The following DVL3 variants were observed in gnomAD, a reference collection of about 807,000 sequenced individuals.
DVL3 encodes segment polarity protein dishevelled homolog DVL-3.
A neutral mutation model predicts 67.4 loss-of-function variants in DVL3; 27 were observed. The ratio of observed to expected loss-of-function variants is 0.40; its 90% CI spans 0.30 to 0.55. The LOEUF (loss-of-function observed/expected upper bound fraction) is 0.55. DVL3 is among the 20% of genes least tolerant of loss of function. DVL3 has a pLI of 0.46. For synonymous variants in DVL3, 369 were observed against 396.8 expected, an observed-to-expected ratio of 0.93 and a Z score of 0.83; for missense variants, 819 against 1,021.5, an observed-to-expected ratio of 0.80 and a Z score of 2.70.
intron 1 of DVL3, among the ~76,000 whole-genome samples, chr3:184,157,325 G>A (rs1714234079): frequency 6.6e-6 from 1 of 152,168 alleles, no homozygotes; most frequent in African/African-American, 2.4e-5. Context: ...CTCCACATAA[G>A]GAATGGGGGA....
intron 1 of DVL3, among the ~76,000 whole-genome samples, chr3:184,159,036 C>CA (rs562899746): frequency 0.012 from 560 of 46,044 alleles, 149 homozygotes; most frequent in African/African-American, 0.041. Context: ...TCGGCCTCCC[C>CA]AAGTGCTGGG....
rs1714482281 is a variant in DVL3, at chr3:184,164,271, T to C, written c.236T>C (p.Val79Ala). ...CFNGRVVSWL[V>A]SAEGSHPDPA... ...CACTCAGTTTCTCCCTTTCAGCTGG[T>C]GTCAGCTGAGGGCTCACACCCAGAC... The change falls in exon 3 of 15, where the codon GTG becomes GCG. Residue 79 changes from valine to alanine, a missense_variant. Transcript: ENST00000313143. The surrounding 1 kb of genome is among the most constrained non-coding windows in gnomAD (Gnocchi z 5.3). The C allele has an allele frequency of 6.2e-7, 1 of 1,613,752 alleles. No homozygotes were observed. The highest frequency in any genetic ancestry group is 8.5e-7 in the Non-Finnish European group (1 of 1,179,842).
In DVL3 at chr3:184,165,593, C is replaced by A; in HGVS notation, c.763+102C>A. The A allele has an allele frequency of 2.0e-6, 2 of 1,018,744 alleles. No individual in the cohort carries two copies. Among genetic ancestry groups the A allele is most frequent in the Non-Finnish European group, 3.0e-6 (2 of 659,154 alleles). 63.1% of individuals were successfully genotyped at this position (1,018,744 alleles called of 1,614,324 possible). On this transcript the variant is annotated intron_variant, in intron 7 of 14. Transcript: ENST00000313143. This position sits in a 1 kb window ranked among gnomAD's most constrained non-coding sequence, Gnocchi z 4.1. ...GAATATGTTCCCTGCCCTCAAGGAG[C>A]TCTCTTTCGTAAACATCAGCTGATA...
At chr3:184,168,744 A>G (rs886548559) in intron 13 of DVL3, among the ~76,000 whole-genome samples, 2 of 152,132 alleles carry the variant, frequency 1.3e-5, no homozygotes, top group African/African-American at 4.8e-5. Flanking sequence ...GCTCTCTTGG[A>G]GCTCTGGGAC....
At chr3:184,169,761 A>ATT (rs1321117780) in intron 13 of DVL3, among the ~76,000 whole-genome samples, 1 of 152,092 alleles carries the variant, frequency 6.6e-6, no homozygotes, top group African/African-American at 2.4e-5. Flanking sequence ...CCTTCAAGGG[A>ATT]TTGGGAGGTA....
rs758941759 is a variant in DVL3, at chr3:184,170,695, C to A, written c.2091C>A (p.Ser697Arg). The A allele has an allele frequency of 6.8e-6, 11 of 1,613,864 alleles. No homozygotes were observed. Among genetic ancestry groups the A allele is most frequent in the Non-Finnish European group, 9.3e-6 (11 of 1,179,936 alleles). ...CAGTGCCCCCGGAACTGACCGCCAG[C>A]AGACAGTCCTTCCGCATGGCCATGG... ...LASVPPELTA[S>R]RQSFRMAMGN... The change falls in exon 15 of 15, where the codon AGC becomes AGA. Residue 697 changes from serine to arginine, a missense_variant. Around this residue, in one of 3 missense-constraint regions of DVL3, gnomAD observed 324 missense variants for 331.3 expected, o/e 0.98. Transcript: ENST00000313143. The surrounding 1 kb of genome is among the most constrained non-coding windows in gnomAD (Gnocchi z 6.5).
rs543537514 is a variant in DVL3, at chr3:184,163,474, G to A, written c.162-183G>A. The stretch of plus-strand genomic sequence containing the variant: ...AAGGTATCTGGCCTAGGCAGGGCTG[G>A]TGTCTTCCTGGTGGTGCCAAAGAGC... On this transcript the variant is annotated intron_variant, in intron 1 of 14. Transcript: ENST00000313143. The surrounding 1 kb of genome is among the most constrained non-coding windows in gnomAD (Gnocchi z 4.5). 6.6e-6 allele frequency among the ~76,000 whole-genome samples: 1 copy of A among 152,212 alleles called. No homozygotes were observed. Among genetic ancestry groups the A allele is most frequent in the Non-Finnish European group, 1.5e-5 (1 of 68,040 alleles).
Position 184,163,286 on chromosome 3 carries a change from TGCTTTTTTCCAATTAGGGATCAGA to T in DVL3, c.162-369_162-346del, listed in dbSNP as rs1201258028. Among the ~76,000 whole-genome samples the T allele has an allele frequency of 3.5e-4, 53 of 152,206 alleles. No individual in the cohort carries two copies. Among genetic ancestry groups the T allele is most frequent in the African/African-American group, 1.2e-3 (48 of 41,450 alleles). ...GAAAGGAAGGACAGTTATAATTGTA[TGCTTTTTTCCAATTAGGGATCAGA>T]GGGAAAGAGAAAGTCTAGCCCAGGA... On this transcript the variant is annotated intron_variant, in intron 1 of 14. Transcript: ENST00000313143. The surrounding 1 kb of genome is among the most constrained non-coding windows in gnomAD (Gnocchi z 4.5).
In DVL3 at chr3:184,166,203, A is replaced by G. The variant is rs1266047392; in HGVS notation, c.841A>G (p.Ile281Val). The change falls in exon 8 of 15, where the codon ATC becomes GTC. Residue 281 changes from isoleucine (I) to valine (V), a missense_variant. Ile to Val is a conservative substitution (Grantham distance 29). Around this residue, in one of 3 missense-constraint regions of DVL3, gnomAD observed 385 missense variants for 486.8 expected, o/e 0.79. Transcript: ENST00000313143. The surrounding 1 kb of genome is among the most constrained non-coding windows in gnomAD (Gnocchi z 6.7). ...RGDGGIYIGS[I>V]MKGGAVAADG... is the part of the protein sequence containing the mutation. Reference sequence around the variant, plus strand: ...TGACGGCGGCATCTACATTGGCTCTATCATGAAGGGTGGGGCCGTGGCTGC... The same window carrying G: ...TGACGGCGGCATCTACATTGGCTCTGTCATGAAGGGTGGGGCCGTGGCTGC... 4 of 1,613,490 alleles carry G rather than the reference A, an allele frequency of 2.5e-6. No individual in the cohort carries two copies. Among genetic ancestry groups the G allele is most frequent in the East Asian group, 2.2e-5 (1 of 44,872 alleles).
In DVL3 at chr3:184,167,615, A is replaced by G. The variant is rs745861597; in HGVS notation, c.1234A>G (p.Met412Val). 2 of 1,613,976 alleles carry G rather than the reference A, an allele frequency of 1.2e-6. No homozygotes were observed. The highest frequency in any genetic ancestry group is 1.1e-5 in the South Asian group (1 of 91,082). The change falls in exon 12 of 15, where the codon ATG becomes GTG. Residue 412 changes from methionine (M) to valine (V), a missense_variant. By Grantham distance (21) the Met-to-Val change is conservative. Coordinates refer to ENST00000313143, the MANE Select transcript of DVL3 (RefSeq NM_004423.4). This position sits in a 1 kb window ranked among gnomAD's most constrained non-coding sequence, Gnocchi z 4.6. ...CTTCCACTTGTCCATCCACAGTGAC[A>G]TGGCTGCCATCGTAAAAGCCATGGC... is the stretch of plus-strand genomic sequence containing the variant. ...DDFHLSIHSDMAAIVKAMASP... is the reference protein window; with the variant it reads ...DDFHLSIHSDVAAIVKAMASP...
chr3:184,169,231 A>G (rs1714711950), intron 13 of DVL3, among the ~76,000 whole-genome samples: 1 of 152,238 alleles, frequency 6.6e-6, no homozygotes, highest in East Asian at 1.9e-4. Flanking sequence ...GGAGAAAGTA[A>G]GCTACTCTTC....
At chr3:184,161,230 C>T (rs1244987118) in intron 1 of DVL3, among the ~76,000 whole-genome samples, 1 of 152,206 alleles carries the variant, frequency 6.6e-6, no homozygotes, top group African/African-American at 2.4e-5. Flanking sequence ...AGTTCAAGAC[C>T]ACCCTGGCCA....
In DVL3 at chr3:184,163,220, T is replaced by G. The variant is rs1392500502; in HGVS notation, c.162-437T>G. On this transcript the variant is annotated intron_variant, in intron 1 of 14. Coordinates refer to ENST00000313143, the MANE Select transcript of DVL3 (RefSeq NM_004423.4). The surrounding 1 kb of genome is among the most constrained non-coding windows in gnomAD (Gnocchi z 4.5). Reference sequence around the variant, plus strand: ...CTCTTTTCTAATTTTCTTAAATTCTTTGTCCATACCTCCCACAACAATGTT... The same window carrying G: ...CTCTTTTCTAATTTTCTTAAATTCTGTGTCCATACCTCCCACAACAATGTT... Among the ~76,000 whole-genome samples, 1 of 152,200 alleles carries G rather than the reference T, an allele frequency of 6.6e-6. No individual in the cohort carries two copies. The highest frequency in any genetic ancestry group is 2.4e-5 in the African/African-American group (1 of 41,438).
In DVL3 at chr3:184,166,539, G is replaced by A; in HGVS notation, c.980+17G>A. On this transcript the variant is annotated intron_variant, in intron 9 of 14. Coordinates refer to ENST00000313143, the MANE Select transcript of DVL3 (RefSeq NM_004423.4). The surrounding 1 kb of genome is among the most constrained non-coding windows in gnomAD (Gnocchi z 6.7). ...CAAACCGGGGTATGGATGGAATGGG[G>A]CACTGGGCAAGGGGCTTGGTCTGGC... 1 of 1,614,176 alleles carries A rather than the reference G, an allele frequency of 6.2e-7. No individual in the cohort carries two copies. The highest frequency in any genetic ancestry group is 8.5e-7 in the Non-Finnish European group (1 of 1,180,014).
At chr3:184,169,922 T>C in intron 13 of DVL3, 84 bp from the exon 14 acceptor site, 2 of 1,237,652 alleles carry the variant, frequency 1.6e-6, no homozygotes, top group Non-Finnish European at 2.3e-6. Flanking sequence ...ACTACCACGG[T>C]CTCTCTCATC....
Position 184,170,991 on chromosome 3 carries a change from C to G in DVL3, c.*236C>G. 6.7e-7 allele frequency: 1 copy of G among 1,490,726 alleles called. No individual in the cohort carries two copies. The highest frequency in any genetic ancestry group is 8.9e-7 in the Non-Finnish European group (1 of 1,118,258). 92.3% of individuals were successfully genotyped at this position (1,490,726 alleles called of 1,614,324 possible). A position where few individuals can be genotyped will look rare whatever the true frequency, so the allele number is the denominator to read the frequency against. On this transcript the variant is annotated 3_prime_UTR_variant, in exon 15 of 15. Transcript: ENST00000313143. This position sits in a 1 kb window ranked among gnomAD's most constrained non-coding sequence, Gnocchi z 6.5. ...CGTTTCCTCTGCCCACTAATCCCTG[C>G]GCAGGACTTCCCAGGACCCCTTTTG...
rs377488714 is a variant in DVL3 at position 184,167,570 on chromosome 3, C to T, written c.1199-10C>T. Reference sequence around the variant, plus strand: ...CCTTTCTGCCTCACCATTCTGCCTCCCACCCCCAGGCCTAGACGACTTCCA... The same window carrying T: ...CCTTTCTGCCTCACCATTCTGCCTCTCACCCCCAGGCCTAGACGACTTCCA... On this transcript the variant is annotated splice_polypyrimidine_tract_variant and intron_variant, in intron 11 of 14. Transcript: ENST00000313143. This position sits in a 1 kb window ranked among gnomAD's most constrained non-coding sequence, Gnocchi z 4.6. The T allele has an allele frequency of 6.2e-7, 1 of 1,612,632 alleles. No homozygotes were observed. The highest frequency in any genetic ancestry group is 1.3e-5 in the African/African-American group (1 of 74,938).
rs998704462 is a variant in DVL3, at chr3:184,155,403, A to C, written c.-233A>C. ...GGCCGGGAGGGCCGCGGCCACCGGAAGAGTCGCGGTCGCCAGTCCAGTCGG... is the reference window on the plus strand; with the variant it reads ...GGCCGGGAGGGCCGCGGCCACCGGACGAGTCGCGGTCGCCAGTCCAGTCGG... On this transcript the variant is annotated 5_prime_UTR_variant, in exon 1 of 15. Coordinates refer to ENST00000313143, the MANE Select transcript of DVL3 (RefSeq NM_004423.4). This position sits in a 1 kb window ranked among gnomAD's most constrained non-coding sequence, Gnocchi z 5.4. 1 of 151,528 alleles carries C rather than the reference A, an allele frequency of 6.6e-6. No individual in the cohort carries two copies. The highest frequency in any genetic ancestry group is 1.4e-5 in the Non-Finnish European group (1 of 69,050). The allele number at this position is 151,528 out of a possible 1,614,324, so 9.4% of individuals were successfully genotyped here. A position where few individuals can be genotyped will look rare whatever the true frequency, so the allele number is the denominator to read the frequency against.
chr3:184,169,578 G>A (rs79337962), intron 13 of DVL3, among the ~76,000 whole-genome samples: 5,063 of 152,236 alleles, frequency 0.033, 104 homozygotes, highest in Middle Eastern at 0.068. Flanking sequence ...GTGCAACCCT[G>A]TCAGGAGGCT....
Sources: allele counts gnomAD v4.1 joint callset (sites outside exome capture counted in the v4.1 genomes callset), GRCh38; gene constraint gnomAD v4.1.1; regional missense constraint gnomAD v4.1.1; non-coding constraint Gnocchi (gnomAD v3.1); transcripts MANE v1.5; gene names NCBI Gene and HGNC (gene_info 2026-07-23, HGNC 2026-07-21).